Variants in VPS13B observed in about 807,000 individuals in gnomAD.
The protein encoded by VPS13B is intermembrane lipid transfer protein VPS13B.
Under a neutral mutation model 426.4 loss-of-function variants are expected in VPS13B, and 285 were observed. The ratio of observed to expected loss-of-function variants is 0.67; its 90% confidence interval spans 0.61 to 0.74. The LOEUF is 0.74. VPS13B is among the 30% of genes least tolerant of loss of function. VPS13B has a pLI of 0.00. For synonymous variants in VPS13B, 1,676 were observed against 1,676.4 expected, an observed-to-expected ratio of 1.00 and a Z score of 0.01; for missense variants, 4,537 against 4,782.6, an observed-to-expected ratio of 0.95 and a Z score of 1.51.
intron 16 of VPS13B, among the ~76,000 whole-genome samples, chr8:99,180,990 G>C (rs921972599): frequency 5.3e-5 from 8 of 152,142 alleles, no homozygotes; most frequent in African/African-American, 1.9e-4. Context: ...CAACTTTTCT[G>C]CTGTACAGCT....
At chr8:99,699,131 C>CTTT (rs370004663) in intron 35 of VPS13B, among the ~76,000 whole-genome samples, 66 of 90,524 alleles carry the variant, frequency 7.3e-4, no homozygotes, top group Non-Finnish European at 9.1e-4. Flanking sequence ...TAAGGAAAGT[C>CTTT]TTTTTTTTTT....
At chr8:99,203,306 T>C (rs1814470913) in intron 17 of VPS13B, among the ~76,000 whole-genome samples, 1 of 152,136 alleles carries the variant, frequency 6.6e-6, no homozygotes, top group African/African-American at 2.4e-5. Context: ...TTCAATAAAA[T>C]TCAACTCCCC....
At chr8:99,183,390 T>A (rs1331360910) in intron 16 of VPS13B, among the ~76,000 whole-genome samples, 5 of 152,156 alleles carry the variant, frequency 3.3e-5, no homozygotes, top group Non-Finnish European at 7.4e-5. Flanking sequence ...ATGTAAAAAG[T>A]TCAACATACA....
At chr8:99,192,751 G>A (rs1813672497) in intron 16 of VPS13B, 125 bp from the exon 17 acceptor site, 1 of 883,010 alleles carries the variant, frequency 1.1e-6, no homozygotes, top group African/African-American at 1.7e-5. Context: ...TTTTGTTTAA[G>A]TAGTATGTTT....
intron 33 of VPS13B, among the ~76,000 whole-genome samples, chr8:99,634,156 T>A (rs1828977248): frequency 6.6e-6 from 1 of 151,938 alleles, no homozygotes; most frequent in African/African-American, 2.4e-5. Flanking sequence ...ACACTGCAGA[T>A]AAAATCTCAA....
At chr8:99,131,480 T>G (rs1431459989) in intron 8 of VPS13B, among the ~76,000 whole-genome samples, 1 of 152,194 alleles carries the variant, frequency 6.6e-6, no homozygotes, top group African/African-American at 2.4e-5. Context: ...ACCTCAGAGA[T>G]ATTGTGGACT....
chr8:99,264,851 T>C (rs1818223600), intron 17 of VPS13B, among the ~76,000 whole-genome samples: 1 of 152,162 alleles, frequency 6.6e-6, no homozygotes, highest in Non-Finnish European at 1.5e-5. Context: ...TAGTTCCTTC[T>C]AGACCTTTTG....
intron 30 of VPS13B, among the ~76,000 whole-genome samples, chr8:99,552,920 T>G (rs763260115): frequency 5.3e-5 from 8 of 152,068 alleles, no homozygotes; most frequent in Non-Finnish European, 1.2e-4. Flanking sequence ...CACATGTAGA[T>G]TCATGTAACC....
At position 99,147,842 on chromosome 8, in the gene VPS13B, T is replaced by C. The variant is rs1038327545; in HGVS notation, c.1845T>C (p.Asp615=). 9 of 1,485,088 alleles carry C rather than the reference T, an allele frequency of 6.1e-6. No individual in the cohort carries two copies. The highest frequency in any genetic ancestry group is 1.8e-6 in the Non-Finnish European group (2 of 1,111,894). 92.0% of individuals were successfully genotyped at this position (1,485,088 alleles called of 1,614,324 possible). The change falls in exon 14 of 62, where the codon GAT becomes GAC. Residue 615 remains aspartate (D), a splice_region_variant and synonymous_variant. Transcript: ENST00000357162. ...EYEPYSRLKS[D]IKDENETILN... is the part of the protein sequence containing the mutation. Reference sequence around the variant, plus strand: ...AATTTTTTATCATTTTAATTTTAGATATTAAGGATGAAAATGAAACAATAC... The same window carrying C: ...AATTTTTTATCATTTTAATTTTAGACATTAAGGATGAAAATGAAACAATAC...
intron 42 of VPS13B, among the ~76,000 whole-genome samples, chr8:99,780,711 A>G (rs1811978342): frequency 6.6e-6 from 1 of 152,164 alleles, no homozygotes; most frequent in Non-Finnish European, 1.5e-5. Context: ...TTGTTGCTGT[A>G]ATTTTCTTGT....
rs766689935 is a variant in VPS13B at position 99,575,775 on chromosome 8, G to T, written c.5067G>T (p.Leu1689Phe). The T allele has an allele frequency of 6.2e-7, 1 of 1,613,430 alleles. No individual in the cohort carries two copies. Residue 1689 changes from leucine (L) to phenylalanine (F), a missense_variant, in exon 32 of 62, where the codon TTG (leucine) becomes TTT (phenylalanine). By Grantham distance (22) the Leu-to-Phe change is conservative. Transcript: ENST00000357162. ...CCAAAGTAGTTTCTCCAGAAAATTT[G>T]CATACTGAGGTTAGAACATAATTTT... ...IFTKVVSPENLHTEEILVCGH... is the reference protein window; with the variant it reads ...IFTKVVSPENFHTEEILVCGH...
chr8:99,720,750 G>T, intron 38 of VPS13B, 113 bp from the exon 39 acceptor site: 2 of 1,176,900 alleles, frequency 1.7e-6, no homozygotes, highest in South Asian at 2.8e-5. Context: ...ATATAAAAAT[G>T]ACCAACTAGC....
intron 25 of VPS13B, among the ~76,000 whole-genome samples, chr8:99,492,572 T>C (rs1820671197): frequency 6.6e-6 from 1 of 152,162 alleles, no homozygotes; most frequent in East Asian, 1.9e-4. Context: ...GCCTCAGCAA[T>C]GGTGGACACC....
At chr8:99,445,281 T>C (rs916879721) in intron 23 of VPS13B, among the ~76,000 whole-genome samples, 6 of 148,998 alleles carry the variant, frequency 4.0e-5, no homozygotes, top group Non-Finnish European at 7.4e-5. Context: ...GTATAAACAT[T>C]TGGCAAGACT....
At chr8:99,822,825 T>C (rs1418367033) in intron 50 of VPS13B, among the ~76,000 whole-genome samples, 1 of 152,148 alleles carries the variant, frequency 6.6e-6, no homozygotes, top group East Asian at 1.9e-4. Context: ...AATATACAAA[T>C]ATATATTCCA....
chr8:99,436,033 G>A (rs894317963), intron 22 of VPS13B, among the ~76,000 whole-genome samples: 6 of 152,154 alleles, frequency 3.9e-5, no homozygotes, highest in African/African-American at 1.2e-4. Context: ...AGGGAATACC[G>A]TTTTAAAAGT....
chr8:99,238,472 G>A (rs1230236382), intron 17 of VPS13B, among the ~76,000 whole-genome samples: 2 of 152,174 alleles, frequency 1.3e-5, no homozygotes, highest in Admixed American at 1.3e-4. Context: ...GCTCAGCTGT[G>A]TAGGATAAGT....
chr8:99,147,941 T>C lies in VPS13B; in HGVS notation c.1944T>C (p.Cys648=), dbSNP rs988245745. 6.2e-7 allele frequency: 1 copy of C among 1,613,946 alleles called. No individual in the cohort carries two copies. Among genetic ancestry groups the C allele is most frequent in the African/African-American group, 1.3e-5 (1 of 75,038 alleles). ...TRHTSVTLLK[C]TCTISMAEFN... is the part of the protein sequence containing the mutation. ...ATACAAGTGTTACTCTCCTCAAATG[T>C]ACCTGCACAATTTCCATGGCTGAAT... Residue 648 remains cysteine, a synonymous_variant, in exon 14 of 62, where the codon TGT becomes TGC. Coordinates refer to ENST00000357162, the MANE Select transcript of VPS13B (RefSeq NM_152564.5).
intron 19 of VPS13B, among the ~76,000 whole-genome samples, chr8:99,338,669 T>G (rs1378891579): frequency 6.6e-6 from 1 of 152,170 alleles, no homozygotes; most frequent in African/African-American, 2.4e-5. Context: ...TTTGTTACCT[T>G]ATGTTGCTTA....
Sources: allele counts gnomAD v4.1 joint callset (sites outside exome capture counted in the v4.1 genomes callset), GRCh38; gene constraint gnomAD v4.1.1; transcripts MANE v1.5; gene names NCBI Gene and HGNC (gene_info 2026-07-23, HGNC 2026-07-21).